The following TAOK3 variants were observed in gnomAD, a reference collection of about 807,000 sequenced individuals.
TAOK3 encodes the protein TAO kinase 3.
TAOK3 carries 40 observed loss-of-function variants against 120.4 expected under a neutral mutation model. That is an observed-to-expected ratio of 0.33 (90% CI 0.26 to 0.43). TAOK3 has a LOEUF of 0.43. Ranked by LOEUF, TAOK3 falls within the 20% of genes least tolerant of loss-of-function variation. The pLI, the probability that TAOK3 is intolerant of heterozygous loss-of-function variation, is 1.00. For synonymous variants in TAOK3, 355 were observed against 387.5 expected, an observed-to-expected ratio of 0.92 and a Z score of 0.99; for missense variants, 821 against 1,112.1, an observed-to-expected ratio of 0.74 and a Z score of 3.72.
At chr12:118,220,311 G>A (rs558346138) in intron 9 of TAOK3, among the ~76,000 whole-genome samples, 1 of 152,150 alleles carries the variant, frequency 6.6e-6, no homozygotes, top group East Asian at 1.9e-4. Context: ...ACAGTACCTG[G>A]TACACAGCAG....
intron 15 of TAOK3, among the ~76,000 whole-genome samples, chr12:118,179,748 G>C (rs960430716): frequency 7.3e-5 from 11 of 150,690 alleles, no homozygotes; most frequent in Admixed American, 4.6e-4. Flanking sequence ...GGGTTCAAGT[G>C]ATTCTCTTGT....
intron 1 of TAOK3, among the ~76,000 whole-genome samples, chr12:118,317,318 TTA>T (rs1491406011): frequency 6.6e-6 from 1 of 150,628 alleles, no homozygotes; most frequent in Non-Finnish European, 1.5e-5. Flanking sequence ...TTTTTTTTTT[TTA>T]GACAGTCTTG....
At chr12:118,210,498 G>A (rs1214763840) in intron 11 of TAOK3, among the ~76,000 whole-genome samples, 1 of 152,060 alleles carries the variant, frequency 6.6e-6, no homozygotes, top group Non-Finnish European at 1.5e-5. Flanking sequence ...CTGCTTGTAT[G>A]AATCTTTCTT....
intron 13 of TAOK3, among the ~76,000 whole-genome samples, chr12:118,197,198 A>G (rs2037773469): frequency 6.6e-6 from 1 of 152,152 alleles, no homozygotes; most frequent in Non-Finnish European, 1.5e-5. Flanking sequence ...TAACTCATCC[A>G]AAGTTTTATT....
chr12:118,217,670 T>C (rs1487164967), intron 9 of TAOK3, among the ~76,000 whole-genome samples: 1 of 150,032 alleles, frequency 6.7e-6, no homozygotes, highest in African/African-American at 2.5e-5. Context: ...AGTGATGGAG[T>C]GAGACTCCAT....
Position 118,233,592 on chromosome 12 carries a change from T to A in TAOK3, c.643+82A>T, listed in dbSNP as rs1011474750. On this transcript the variant is annotated intron_variant, in intron 9 of 20. Transcript: ENST00000392533. The stretch of plus-strand genomic sequence containing the variant: ...CCAGATGAATAACTCCTAATCATTA[T>A]GATTCTTAAAAATACAATGAAAATT... 21 of 1,096,906 alleles carry A rather than the reference T, an allele frequency of 1.9e-5. No homozygotes were observed. The African/African-American group carries it at 3.3e-4, about 17-fold the overall frequency. 67.9% of individuals were successfully genotyped at this position (1,096,906 alleles called of 1,614,324 possible).
At chr12:118,337,084 G>A (rs887350573) in intron 1 of TAOK3, among the ~76,000 whole-genome samples, 2 of 151,748 alleles carry the variant, frequency 1.3e-5, no homozygotes, top group African/African-American at 2.4e-5. Context: ...AAAGAAAATG[G>A]GCAAAAGACA....
intron 1 of TAOK3, among the ~76,000 whole-genome samples, chr12:118,336,801 G>A (rs1479484173): frequency 6.6e-6 from 1 of 152,242 alleles, no homozygotes. Flanking sequence ...GCTGGGGGCA[G>A]TGGCTCACAC....
intron 8 of TAOK3, among the ~76,000 whole-genome samples, chr12:118,234,667 C>T (rs1048179428): frequency 2.0e-5 from 3 of 152,078 alleles, no homozygotes; most frequent in Non-Finnish European, 2.9e-5. Context: ...CTCAGCCTCC[C>T]GAGTAGCTGG....
chr12:118,343,549 T>C (rs2044720887), intron 1 of TAOK3, among the ~76,000 whole-genome samples: 1 of 152,066 alleles, frequency 6.6e-6, no homozygotes, highest in Non-Finnish European at 1.5e-5. Context: ...GAGCATTTGA[T>C]ATGTGCAGGG....
At chr12:118,185,686 A>T (rs893410595) in intron 14 of TAOK3, among the ~76,000 whole-genome samples, 7 of 152,230 alleles carry the variant, frequency 4.6e-5, no homozygotes, top group African/African-American at 1.7e-4. Context: ...GCATTTATAA[A>T]AGAATATGTT....
chr12:118,272,561 C>T (rs1314771088), intron 1 of TAOK3, among the ~76,000 whole-genome samples: 1 of 151,974 alleles, frequency 6.6e-6, no homozygotes, highest in African/African-American at 2.4e-5. Context: ...ATGTTTCATA[C>T]TGGAAAGAAT....
At chr12:118,335,607 A>G (rs916591953) in intron 1 of TAOK3, among the ~76,000 whole-genome samples, 1 of 152,110 alleles carries the variant, frequency 6.6e-6, no homozygotes, top group Non-Finnish European at 1.5e-5. Flanking sequence ...AGCTGGGTGG[A>G]TCAACTTGAG....
In TAOK3 at chr12:118,267,427, C is replaced by G. The variant is rs559684053; in HGVS notation, c.-193-668G>C. 2.9e-3 allele frequency among the ~76,000 whole-genome samples: 431 copies of G among 150,908 alleles called. 3 individuals carry two copies. The highest frequency in any genetic ancestry group is 0.01 in the African/African-American group (415 of 41,230). On this transcript the variant is annotated intron_variant, in intron 1 of 20. Transcript: ENST00000392533. ...ACGGGGTTTCACCATGTTGGCCAGG[C>G]TGGTCTCGACCTCCTGACCTCAAGT...
intron 1 of TAOK3, among the ~76,000 whole-genome samples, chr12:118,363,774 GAGAC>G (rs928847767): frequency 1.8e-4 from 27 of 151,782 alleles, no homozygotes; most frequent in East Asian, 1.2e-3. Flanking sequence ...GAGAGAGAGA[GAGAC>G]AGACAGACAG....
intron 15 of TAOK3, 116 bp from the exon 16 acceptor site, chr12:118,177,445 A>G (rs143960147): frequency 3.1e-6 from 2 of 652,490 alleles, no homozygotes; most frequent in Non-Finnish European, 4.8e-6. Context: ...GACATTTTTG[A>G]ACAAATATTA....
At position 118,214,110 on chromosome 12, in the gene TAOK3, G is replaced by A. The variant is rs761985286; in HGVS notation, c.644C>T (p.Ala215Val). ...WSLGITCIEL[A>V]ERKPPLFNMN... ...GTTGAAAAGGGGCGGCTTCCGTTCC[G>A]CTGGAAGAGGAAAGAAACACAATAA... is the stretch of plus-strand genomic sequence containing the variant. Residue 215 changes from alanine to valine, a missense_variant and splice_region_variant, in exon 10 of 21, where the codon GCG becomes GTG. Ala to Val is a moderately conservative substitution (Grantham distance 64). This residue lies in a region of TAOK3 where 467 missense variants were observed against 540.0 expected (regional missense o/e 0.86). Transcript: ENST00000392533. The A allele has an allele frequency of 5.0e-6, 8 of 1,606,332 alleles. No homozygotes were observed. Among genetic ancestry groups the A allele is most frequent in the Non-Finnish European group, 6.8e-6 (8 of 1,177,706 alleles).
chr12:118,228,069 T>C (rs2039592291), intron 9 of TAOK3, among the ~76,000 whole-genome samples: 1 of 152,084 alleles, frequency 6.6e-6, no homozygotes, highest in Non-Finnish European at 1.5e-5. Flanking sequence ...GATACAGCTC[T>C]ATTTGCCTTC....
chr12:118,193,949 T>C (rs1360684779), intron 13 of TAOK3, among the ~76,000 whole-genome samples: 1 of 152,238 alleles, frequency 6.6e-6, no homozygotes, highest in Non-Finnish European at 1.5e-5. Context: ...TAGTGCTTGA[T>C]ACTTAGTAGG....
Sources: gnomAD v4.1 joint callset for allele counts (sites outside exome capture counted in the v4.1 genomes callset) on GRCh38, gnomAD v4.1.1 for gene constraint, gnomAD v4.1.1 regional missense constraint, MANE v1.5 for transcripts, NCBI Gene and HGNC (gene_info 2026-07-23, HGNC 2026-07-21) for gene names.